PTPRS: variants seen among roughly 807,000 people sequenced by gnomAD.
PTPRS encodes the protein receptor-type tyrosine-protein phosphatase S.
A neutral mutation model predicts 215.3 loss-of-function variants in PTPRS; 63 were observed. The ratio of observed to expected loss-of-function variants is 0.29; its 90% CI spans 0.24 to 0.36. The LOEUF (loss-of-function observed/expected upper bound fraction) is 0.36, where lower values mean the gene tolerates loss of function less well. Ranked by LOEUF, PTPRS falls within the 10% of genes least tolerant of loss-of-function variation. PTPRS has a pLI of 1.00. For missense variants in PTPRS, 2,258 were observed against 2,825.8 expected (o/e 0.80, Z 4.56); for synonymous variants, 1,404 against 1,191.4 (o/e 1.18, Z -3.68).
chr19:5,281,296 A>G (rs890982737), intron 2 of PTPRS, among the ~76,000 whole-genome samples: 10 of 151,988 alleles, frequency 6.6e-5, no homozygotes, highest in Non-Finnish European at 1.2e-4. Context: ...CCCCATCTCT[A>G]CTAAAAATAC....
chr19:5,249,591 C>T (rs79537709), intron 9 of PTPRS, among the ~76,000 whole-genome samples: 5,884 of 152,276 alleles, frequency 0.039, 146 homozygotes, highest in Non-Finnish European at 0.058. Flanking sequence ...ACGAGGATTA[C>T]GGCCAAGTAT....
At chr19:5,269,947 G>GTT in intron 4 of PTPRS, among the ~76,000 whole-genome samples, 1 of 145,790 alleles carries the variant, frequency 6.9e-6, no homozygotes, top group African/African-American at 2.5e-5. Flanking sequence ...AAAAAAGAGT[G>GTT]TGGATGGGCG....
chr19:5,273,693 C>T (rs940942162), intron 3 of PTPRS, 110 bp from the exon 4 acceptor site: 3 of 1,327,122 alleles, frequency 2.3e-6, no homozygotes, highest in Non-Finnish European at 3.1e-6. Context: ...GCCCCATGAT[C>T]CTGGGGGTGA....
At position 5,205,822 on chromosome 19, in the gene PTPRS, G is replaced by A. The variant is rs1376576960; in HGVS notation, c.*952C>T. ...GGGCGGGAGACGGGGAGACAGCTCA[G>A]GCTCTCAGAGGAGGACCACTGTCAT... On this transcript the variant is annotated 3_prime_UTR_variant, in exon 38 of 38. Transcript: ENST00000262963. 1.3e-5 allele frequency among the ~76,000 whole-genome samples: 2 copies of A among 152,088 alleles called. No individual in the cohort carries two copies. The highest frequency in any genetic ancestry group is 4.8e-5 in the African/African-American group (2 of 41,404).
chr19:5,245,071 C>A (rs1361947476), intron 10 of PTPRS, among the ~76,000 whole-genome samples: 1 of 151,510 alleles, frequency 6.6e-6, no homozygotes, highest in Admixed American at 6.6e-5. Context: ...CCTCCACCTC[C>A]CGGGTTCAAG....
Position 5,206,321 on chromosome 19 carries a change from G to A in PTPRS, c.*453C>T, listed in dbSNP as rs1403473440. On this transcript the variant is annotated 3_prime_UTR_variant, in exon 38 of 38. Transcript: ENST00000262963. ...ATGTCACGGGATACAGTTACACTGA[G>A]AGTTTTAAAAGAAAGCTGGATTCTG... The A allele has an allele frequency of 4.3e-6, 1 of 231,808 alleles. No individual in the cohort carries two copies. Among genetic ancestry groups the A allele is most frequent in the Non-Finnish European group, 8.5e-6 (1 of 117,588 alleles). The allele number at this position is 231,808 out of a possible 1,614,324, so 14.4% of individuals were successfully genotyped here.
intron 2 of PTPRS, among the ~76,000 whole-genome samples, chr19:5,277,204 T>C (rs1004935575): frequency 1.6e-4 from 25 of 151,810 alleles, no homozygotes; most frequent in Non-Finnish European, 2.6e-4. Context: ...GGACTACAGG[T>C]ACCCACAGCC....
intron 4 of PTPRS, among the ~76,000 whole-genome samples, chr19:5,271,519 C>G (rs1483243670): frequency 6.6e-6 from 1 of 151,564 alleles, no homozygotes; most frequent in African/African-American, 2.4e-5. Flanking sequence ...CCTGCCTCAG[C>G]CTCCCGAATA....
chr19:5,253,291 G>A (rs997191009), intron 9 of PTPRS, among the ~76,000 whole-genome samples: 45 of 152,170 alleles, frequency 3.0e-4, no homozygotes, highest in African/African-American at 1.1e-3. Context: ...TTTACCCCCT[G>A]TACCACCCAG....
intron 13 of PTPRS, among the ~76,000 whole-genome samples, chr19:5,233,064 T>A (rs1017998271): frequency 6.7e-6 from 1 of 149,556 alleles, no homozygotes; most frequent in Admixed American, 6.6e-5. Context: ...AATTATTGGG[T>A]ACCTAGTATG....
chr19:5,331,958 G>GT, intron 1 of PTPRS, among the ~76,000 whole-genome samples: 1 of 152,308 alleles, frequency 6.6e-6, no homozygotes, highest in East Asian at 1.9e-4. Context: ...GTGGCTGGGA[G>GT]TCTTAAACCC....
chr19:5,311,556 G>GA (rs2049703169), intron 1 of PTPRS, among the ~76,000 whole-genome samples: 1 of 152,138 alleles, frequency 6.6e-6, no homozygotes, highest in Non-Finnish European at 1.5e-5. Flanking sequence ...TTTTAGACCT[G>GA]AAACCATCCC....
chr19:5,299,977 CCA>C (rs2049253438), intron 1 of PTPRS, among the ~76,000 whole-genome samples: 1 of 151,132 alleles, frequency 6.6e-6, no homozygotes, highest in Admixed American at 6.6e-5. Flanking sequence ...GCCATGGCTC[CCA>C]CCTGTAATCC....
At chr19:5,245,749 C>A in intron 10 of PTPRS, 27 bp downstream of exon 10, 1 of 1,541,268 alleles carries the variant, frequency 6.5e-7, no homozygotes, top group Non-Finnish European at 8.8e-7. Flanking sequence ...TGCCCCTCCA[C>A]CTACGAGCCC....
intron 5 of PTPRS, among the ~76,000 whole-genome samples, chr19:5,263,420 G>A (rs1489420593): frequency 6.6e-6 from 1 of 152,162 alleles, no homozygotes; most frequent in East Asian, 1.9e-4. Flanking sequence ...CAGGTAGGTA[G>A]GCTCTTTGGT....
Position 5,339,439 on chromosome 19 carries a change from GAA to G in PTPRS, c.-95+1223_-95+1224del, listed in dbSNP as rs2050614330. ...CAGATTTGGGGCGGGGGGTGTGGCT[GAA>G]AAAAAGATTCCCAGTTTGTGGGAAA... On this transcript the variant is annotated intron_variant, in intron 1 of 37. Transcript: ENST00000262963. The surrounding 1 kb of genome is among the most constrained non-coding windows in gnomAD (Gnocchi z 4.2). 6.6e-6 allele frequency among the ~76,000 whole-genome samples: 1 copy of G among 151,714 alleles called. No individual in the cohort carries two copies. The highest frequency in any genetic ancestry group is 1.5e-5 in the Non-Finnish European group (1 of 67,916).
intron 13 of PTPRS, among the ~76,000 whole-genome samples, chr19:5,236,879 AT>A: frequency 6.6e-6 from 1 of 151,218 alleles, no homozygotes; most frequent in African/African-American, 2.4e-5. Context: ...CAATCAAGGA[AT>A]GTGTCGGAAG....
At chr19:5,276,514 C>T (rs916302428) in intron 2 of PTPRS, among the ~76,000 whole-genome samples, 4 of 146,800 alleles carry the variant, frequency 2.7e-5, no homozygotes, top group Non-Finnish European at 4.5e-5. Context: ...TGAGCCACTG[C>T]GCCTGGCCTG....
At chr19:5,278,545 T>G (rs2047586435) in intron 2 of PTPRS, among the ~76,000 whole-genome samples, 1 of 152,148 alleles carries the variant, frequency 6.6e-6, no homozygotes, top group Non-Finnish European at 1.5e-5. Context: ...GGCGCGATCT[T>G]GGCTCACTGC....
Sources: gnomAD v4.1 joint callset for allele counts (sites outside exome capture counted in the v4.1 genomes callset) on GRCh38, gnomAD v4.1.1 for gene constraint, Gnocchi (gnomAD v3.1) non-coding constraint, MANE v1.5 for transcripts, NCBI Gene and HGNC (gene_info 2026-07-23, HGNC 2026-07-21) for gene names.